DYM: variants seen among roughly 807,000 people sequenced by gnomAD.
DYM encodes dymeclin, also known as dyggve-Melchior-Clausen syndrome protein.
In DYM, 78 loss-of-function variants were observed where a neutral mutation model predicts 93.1. That is an observed-to-expected ratio of 0.84 (90% CI 0.70 to 1.01). The LOEUF (loss-of-function observed/expected upper bound fraction) is 1.01. DYM is among the 50% of genes least tolerant of loss of function. DYM has a pLI of 0.00. For synonymous variants in DYM, 321 were observed against 319.7 expected (o/e 1.00, Z -0.04); for missense variants, 789 against 845.0 (o/e 0.93, Z 0.82).
chr18:49,220,932 G>T (rs2093324359), intron 13 of DYM, among the ~76,000 whole-genome samples: 1 of 152,164 alleles, frequency 6.6e-6, no homozygotes, highest in South Asian at 2.1e-4. Flanking sequence ...AAGAGCTTCT[G>T]CACAGCAAAA....
chr18:49,320,630 G>C (rs887626371), intron 8 of DYM, among the ~76,000 whole-genome samples: 4 of 151,992 alleles, frequency 2.6e-5, no homozygotes, highest in African/African-American at 9.7e-5. Context: ...GCAACACCAA[G>C]TCCAGATAAT....
chr18:49,209,755 G>A, intron 13 of DYM, 40 bp from the exon 14 acceptor site: 1 of 1,157,178 alleles, frequency 8.6e-7, no homozygotes, highest in Non-Finnish European at 1.1e-6. Context: ...AGAAAGAGAG[G>A]AGTTTTCCTT....
At chr18:49,159,033 A>G (rs1412041019) in intron 15 of DYM, among the ~76,000 whole-genome samples, 1 of 152,208 alleles carries the variant, frequency 6.6e-6, no homozygotes, top group Non-Finnish European at 1.5e-5. Context: ...TCTACCCATA[A>G]AAATTTAAAA....
chr18:49,080,843 C>T (rs577790541), intron 17 of DYM, among the ~76,000 whole-genome samples: 176 of 150,696 alleles, frequency 1.2e-3, no homozygotes, highest in African/African-American at 4.0e-3. Context: ...TGGGCAGAGA[C>T]GCTCCTCACC....
intron 15 of DYM, among the ~76,000 whole-genome samples, chr18:49,131,838 G>A (rs1162974743): frequency 6.6e-6 from 1 of 152,090 alleles, no homozygotes; most frequent in African/African-American, 2.4e-5. Context: ...AGAGAACAAG[G>A]TAAATGACAC....
rs191827855 is a variant in DYM at position 49,371,937 on chromosome 18, C to A, written c.421+6630G>T. ...CATTACTCTCATAAAGACTGCTTCA[C>A]TGAAAATGCCAGCAATATCCATGTG... On this transcript the variant is annotated intron_variant, in intron 5 of 17. Coordinates refer to ENST00000675505, the MANE Select transcript of DYM (RefSeq NM_001353214.3). Among the ~76,000 whole-genome samples, 11 of 152,242 alleles carry A rather than the reference C, an allele frequency of 7.2e-5. No homozygotes were observed. The East Asian group carries it at 1.9e-3, about 27-fold the overall frequency.
chr18:49,441,142 T>A (rs1187143590), intron 1 of DYM, among the ~76,000 whole-genome samples: 1 of 7,938 alleles, frequency 1.3e-4, no homozygotes, highest in Non-Finnish European at 3.0e-4. Flanking sequence ...ATAAATATAT[T>A]ATATAATATA....
At chr18:49,191,019 G>A (rs183579711) in intron 14 of DYM, among the ~76,000 whole-genome samples, 1 of 151,156 alleles carries the variant, frequency 6.6e-6, no homozygotes, top group African/African-American at 2.4e-5. Flanking sequence ...AAGTTTTGGG[G>A]AAGTTCAAAG....
chr18:49,100,174 C>A (rs767427116), intron 16 of DYM, among the ~76,000 whole-genome samples: 1 of 152,092 alleles, frequency 6.6e-6, no homozygotes, highest in Non-Finnish European at 1.5e-5. Flanking sequence ...ACTAAATCTC[C>A]TTATTTTTAG....
chr18:49,386,733 G>C (rs1457534119), intron 3 of DYM, among the ~76,000 whole-genome samples: 2 of 152,136 alleles, frequency 1.3e-5, no homozygotes, highest in Non-Finnish European at 2.9e-5. Flanking sequence ...TGAGTGAAGG[G>C]TGTAGTTTAG....
intron 6 of DYM, among the ~76,000 whole-genome samples, chr18:49,338,040 A>C (rs1568276537): frequency 6.6e-6 from 1 of 152,234 alleles, no homozygotes; most frequent in Non-Finnish European, 1.5e-5. Flanking sequence ...AAGTATGTAT[A>C]TATTGGAGAA....
chr18:49,093,504 G>C (rs2079262943), intron 17 of DYM, among the ~76,000 whole-genome samples: 1 of 152,198 alleles, frequency 6.6e-6, no homozygotes, highest in Admixed American at 6.5e-5. Flanking sequence ...TAGACTGTGG[G>C]AGAAATGTGG....
chr18:49,411,215 T>C lies in DYM; in HGVS notation c.140+19040A>G, dbSNP rs1317254411. Among the ~76,000 whole-genome samples, 3 of 152,196 alleles carry C rather than the reference T, an allele frequency of 2.0e-5. No homozygotes were observed. In the East Asian group the frequency reaches 5.8e-4, roughly 29 times the overall value. On this transcript the variant is annotated intron_variant, in intron 2 of 17. Coordinates refer to ENST00000675505, the MANE Select transcript of DYM (RefSeq NM_001353214.3). ...GAGATACTCTTAAGGCAAACCCACA[T>C]AATATCAACCTAGAAACACTCCAGC...
At chr18:49,432,219 T>G (rs186849670) in intron 1 of DYM, among the ~76,000 whole-genome samples, 32 of 150,012 alleles carry the variant, frequency 2.1e-4, no homozygotes, top group African/African-American at 7.9e-4. Flanking sequence ...TAATCCCAGC[T>G]ACTAGGGAGG....
At chr18:49,423,692 C>G (rs2073970759) in intron 2 of DYM, among the ~76,000 whole-genome samples, 1 of 151,954 alleles carries the variant, frequency 6.6e-6, no homozygotes, top group Non-Finnish European at 1.5e-5. Context: ...CAAATAGACG[C>G]AATAAAAAAT....
intron 7 of DYM, among the ~76,000 whole-genome samples, chr18:49,333,044 A>G (rs1356412328): frequency 6.6e-6 from 1 of 152,242 alleles, no homozygotes; most frequent in Non-Finnish European, 1.5e-5. Flanking sequence ...TCAGGGTAGC[A>G]AAAAGAATAT....
At chr18:49,363,057 A>G (rs1487734510) in intron 6 of DYM, 104 bp downstream of exon 6, 3 of 850,262 alleles carry the variant, frequency 3.5e-6, no homozygotes, top group Admixed American at 3.8e-5. Context: ...TAAAAGGCAC[A>G]CATATAAGTT....
At chr18:49,408,148 T>C (rs1055443463) in intron 2 of DYM, among the ~76,000 whole-genome samples, 18 of 151,992 alleles carry the variant, frequency 1.2e-4, no homozygotes, top group African/African-American at 4.1e-4. Flanking sequence ...TTTTAAAATA[T>C]ATATACAATT....
chr18:49,389,505 T>A (rs780366492), intron 3 of DYM, among the ~76,000 whole-genome samples: 5 of 152,168 alleles, frequency 3.3e-5, no homozygotes, highest in Non-Finnish European at 7.3e-5. Context: ...CTTGCTTTTT[T>A]TCGCCCCTAG....
Sources: allele counts gnomAD v4.1 joint callset (sites outside exome capture counted in the v4.1 genomes callset), GRCh38; gene constraint gnomAD v4.1.1; transcripts MANE v1.5; gene names NCBI Gene and HGNC (gene_info 2026-07-23, HGNC 2026-07-21).